Variants in DHX36 observed in about 807,000 individuals in gnomAD.
DHX36 encodes DEAH-box helicase 36, also known as ATP-dependent DNA/RNA helicase DHX36.
Under a neutral mutation model 139.0 loss-of-function variants are expected in DHX36, and 50 were observed. That is an observed-to-expected ratio of 0.36 (90% CI 0.29 to 0.46). DHX36 has a LOEUF of 0.46. DHX36 is among the 20% of genes least tolerant of loss of function. DHX36 has a pLI of 1.00. For missense variants in DHX36, 1,024 were observed against 1,211.3 expected (o/e 0.85, Z 2.29); for synonymous variants, 425 against 401.9 (o/e 1.06, Z -0.69).
At chr3:154,305,210 T>G in intron 6 of DHX36, 42 bp from the exon 7 acceptor site, 6 of 1,520,906 alleles carry the variant, frequency 3.9e-6, no homozygotes, top group African/African-American at 1.4e-5. Context: ...TGGTTTTCTC[T>G]TCTAATAATT....
intron 13 of DHX36, among the ~76,000 whole-genome samples, chr3:154,294,562 G>T (rs1000760611): frequency 4.6e-5 from 7 of 152,158 alleles, no homozygotes; most frequent in African/African-American, 1.7e-4. Context: ...TTGGAATCAA[G>T]AGTTTTCTTT....
At chr3:154,277,853 G>A (rs1719201197) in intron 22 of DHX36, 135 bp from the exon 23 acceptor site, 4 of 786,226 alleles carry the variant, frequency 5.1e-6, no homozygotes, top group South Asian at 4.0e-5. Context: ...AAATTCCAGA[G>A]AATAATTCAG....
chr3:154,290,518 G>A (rs914999454), intron 15 of DHX36, among the ~76,000 whole-genome samples: 1 of 151,218 alleles, frequency 6.6e-6, no homozygotes, highest in Non-Finnish European at 1.5e-5. Flanking sequence ...GTGTGCTCCT[G>A]TAGTCCCAGT....
rs191415863 is a variant in DHX36 at position 154,310,133 on chromosome 3, T to C, written c.643-310A>G. 3.8e-3 allele frequency among the ~76,000 whole-genome samples: 584 copies of C among 152,278 alleles called. 5 individuals are homozygous for C. Among genetic ancestry groups the C allele is most frequent in the Middle Eastern group, 0.02 (6 of 294 alleles). ...AATGTTGATATGTGGGGCTACTGAG[T>C]ACAGAAGCAAACTCCTGGCCTAAAC... is the stretch of plus-strand genomic sequence containing the variant. On this transcript the variant is annotated intron_variant, in intron 4 of 24. Transcript: ENST00000496811.
At chr3:154,317,207 T>A (rs572123162) in intron 1 of DHX36, among the ~76,000 whole-genome samples, 14 of 152,184 alleles carry the variant, frequency 9.2e-5, no homozygotes, top group Non-Finnish European at 1.6e-4. Context: ...CTGCTCTGTG[T>A]TACTGTACAT....
At chr3:154,299,959 C>T (rs1712201397) in intron 11 of DHX36, 34 bp from the exon 12 acceptor site, 1 of 1,445,676 alleles carries the variant, frequency 6.9e-7, no homozygotes, top group African/African-American at 1.4e-5. Context: ...TACAAAGGAT[C>T]ACATCAACAA....
At chr3:154,311,794 A>C in intron 3 of DHX36, 120 bp from the exon 4 acceptor site, 88 of 651,630 alleles carry the variant, frequency 1.4e-4, no homozygotes, top group Non-Finnish European at 1.7e-4. Flanking sequence ...TTATTATCTC[A>C]TGGCTTGTGT....
intron 16 of DHX36, among the ~76,000 whole-genome samples, chr3:154,289,349 C>G (rs1191972144): frequency 6.6e-6 from 1 of 152,110 alleles, no homozygotes; most frequent in Non-Finnish European, 1.5e-5. Context: ...TGAAGGATAA[C>G]ATGTTAACAT....
Position 154,312,559 on chromosome 3 carries a change from T to A in DHX36, c.604-885A>T, listed in dbSNP as rs528016015. Among the ~76,000 whole-genome samples the A allele has an allele frequency of 2.3e-3, 343 of 151,522 alleles. 3 individuals are homozygous for A. Among genetic ancestry groups the A allele is most frequent in the African/African-American group, 8.0e-3 (332 of 41,376 alleles). On this transcript the variant is annotated intron_variant, in intron 3 of 24. Coordinates refer to ENST00000496811, the MANE Select transcript of DHX36 (RefSeq NM_020865.3). Reference sequence around the variant, plus strand: ...ACACCCTTTATTAAGATGGAAAAAATCGGCTGGGTATGGTGGCTCACGCCT... The same window carrying A: ...ACACCCTTTATTAAGATGGAAAAAAACGGCTGGGTATGGTGGCTCACGCCT...
intron 1 of DHX36, among the ~76,000 whole-genome samples, chr3:154,322,838 A>C (rs1439798958): frequency 6.6e-6 from 1 of 152,230 alleles, no homozygotes; most frequent in Non-Finnish European, 1.5e-5. Context: ...TTAATAAATA[A>C]AAGTTGTAAA....
chr3:154,293,219 AAAAC>A (rs1179220463), intron 14 of DHX36, among the ~76,000 whole-genome samples: 1 of 152,200 alleles, frequency 6.6e-6, no homozygotes, highest in Non-Finnish European at 1.5e-5. Context: ...TTAGGAAAAC[AAAAC>A]AAACAAAAAC....
rs1176396180 is a variant in DHX36 at position 154,303,339 on chromosome 3, C to T, written c.1207G>A (p.Glu403Lys). ...VVEYLLEDVIEKIRYVPEQKE... is the reference protein window; with the variant it reads ...VVEYLLEDVIKKIRYVPEQKE... ...CTAATGTTTACTTACCTTATTTTTTCAATTACATCTTCCAAAAGATATTCC... is the reference window on the plus strand; with the variant it reads ...CTAATGTTTACTTACCTTATTTTTTTAATTACATCTTCCAAAAGATATTCC... The change falls in exon 9 of 25, where the codon GAA becomes AAA. Residue 403 changes from glutamate to lysine, a missense_variant. This residue lies in a region of DHX36 where 115 missense variants were observed against 105.6 expected (regional missense o/e 1.09). Coordinates refer to ENST00000496811, the MANE Select transcript of DHX36 (RefSeq NM_020865.3). 1.3e-6 allele frequency: 2 copies of T among 1,593,852 alleles called. No homozygotes were observed. The highest frequency in any genetic ancestry group is 1.2e-5 in the South Asian group (1 of 86,924).
In DHX36 at chr3:154,314,801, C is replaced by T. The variant is rs116320067; in HGVS notation, c.603+245G>A. On this transcript the variant is annotated intron_variant, in intron 3 of 24. Transcript: ENST00000496811. ...AGAGTAAGTTTTTTTTTCATTGGCA[C>T]TAGCATTTCTCAAACATTTCTTCTC... 570 of 338,550 alleles carry T rather than the reference C, an allele frequency of 1.7e-3. 4 individuals are homozygous for T. Among genetic ancestry groups the T allele is most frequent in the Non-Finnish European group, 2.5e-3 (463 of 187,470 alleles). 21.0% of individuals were successfully genotyped at this position (338,550 alleles called of 1,614,324 possible).
chr3:154,288,905 A>T lies in DHX36; in HGVS notation c.1992T>A (p.Asn664Lys), dbSNP rs1419530710. 1 of 1,594,438 alleles carries T rather than the reference A, an allele frequency of 6.3e-7. No homozygotes were observed. Among genetic ancestry groups the T allele is most frequent in the East Asian group, 2.3e-5 (1 of 44,060 alleles). ...GTCTTATGGAGAGTAACACTGCCTC[A>T]TTTGATGGTGGGTCCATTAATCTAC... is the stretch of plus-strand genomic sequence containing the variant. The part of the protein sequence containing the change: ...FLSRLMDPPS[N>K]EAVLLSIRHL... The change falls in exon 17 of 25, where the codon AAT becomes AAA. Residue 664 changes from asparagine (N) to lysine (K), a missense_variant. By Grantham distance (94) the Asn-to-Lys change is moderately conservative. Around this residue, in one of 4 missense-constraint regions of DHX36, gnomAD observed 470 missense variants for 616.2 expected, o/e 0.76. Coordinates refer to ENST00000496811, the MANE Select transcript of DHX36 (RefSeq NM_020865.3).
rs375099457 is a variant in DHX36 at position 154,292,651 on chromosome 3, T to C, written c.1714A>G (p.Ile572Val). 1.6e-5 allele frequency: 26 copies of C among 1,613,868 alleles called. No individual in the cohort carries two copies. Among genetic ancestry groups the C allele is most frequent in the Non-Finnish European group, 2.1e-5 (25 of 1,180,002 alleles). The stretch of plus-strand genomic sequence containing the variant: ...TGAGTATCAAAATGCGTCTCTTTTA[T>C]TTTTCCTCCATCTATCACATAAACG... ...DVVYVIDGGK[I>V]KETHFDTQNN... The change falls in exon 15 of 25, where the codon ATA becomes GTA. Residue 572 changes from isoleucine (I) to valine (V), a missense_variant. By Grantham distance (29) the Ile-to-Val change is conservative. This residue lies in a region of DHX36 where 470 missense variants were observed against 616.2 expected (regional missense o/e 0.76). Transcript: ENST00000496811.
chr3:154,295,562 C>A (rs1204878203), intron 12 of DHX36, among the ~76,000 whole-genome samples: 1 of 151,994 alleles, frequency 6.6e-6, no homozygotes, highest in Non-Finnish European at 1.5e-5. Flanking sequence ...ACAAACAGAC[C>A]AACTTAATTT....
intron 21 of DHX36, 25 bp from the exon 22 acceptor site, chr3:154,280,694 G>A (rs1020645509): frequency 5.6e-6 from 9 of 1,606,574 alleles, no homozygotes; most frequent in Admixed American, 1.7e-5. Context: ...AAGGTAGAGG[G>A]GAAAAGAAAA....
chr3:154,290,675 T>C (rs1268910381), intron 15 of DHX36, among the ~76,000 whole-genome samples: 1 of 149,500 alleles, frequency 6.7e-6, no homozygotes, highest in African/African-American at 2.5e-5. Flanking sequence ...GAGGTGACCA[T>C]ATTCATGTAT....
intron 1 of DHX36, among the ~76,000 whole-genome samples, chr3:154,322,051 G>A (rs1194063609): frequency 2.0e-5 from 3 of 152,066 alleles, no homozygotes; most frequent in African/African-American, 4.8e-5. Context: ...GAGCTGGGAC[G>A]AGCCCATTGA....
Sources: allele counts gnomAD v4.1 joint callset (sites outside exome capture counted in the v4.1 genomes callset), GRCh38; gene constraint gnomAD v4.1.1; regional missense constraint gnomAD v4.1.1; transcripts MANE v1.5; gene names NCBI Gene and HGNC (gene_info 2026-07-23, HGNC 2026-07-21).